The following TMPRSS3 variants were observed in gnomAD, a reference collection of about 807,000 sequenced individuals.
TMPRSS3 encodes transmembrane serine protease 3, also known as transmembrane protease serine 3.
A neutral mutation model predicts 59.6 loss-of-function variants in TMPRSS3; 55 were observed. The ratio of observed to expected loss-of-function variants is 0.92; its 90% confidence interval spans 0.74 to 1.16. The LOEUF is 1.16. Ranked by LOEUF, TMPRSS3 falls within the 50% of genes most tolerant of loss-of-function variation. TMPRSS3 has a pLI of 0.00. For synonymous variants in TMPRSS3, 257 were observed against 237.7 expected, an observed-to-expected ratio of 1.08 and a Z score of -0.75; for missense variants, 596 against 579.4, an observed-to-expected ratio of 1.03 and a Z score of -0.29.
intron 9 of TMPRSS3, 40 bp from the exon 10 acceptor site, chr21:42,380,252 C>G (rs528108557): frequency 6.5e-7 from 1 of 1,535,878 alleles, no homozygotes; most frequent in South Asian, 1.1e-5. Context: ...TCAATTGAAG[C>G]AGGAGTCCGA....
intron 2 of TMPRSS3, 176 bp from the exon 3 acceptor site, chr21:42,390,213 G>A: frequency 1.6e-6 from 1 of 644,880 alleles, no homozygotes; most frequent in Admixed American, 2.2e-5. Context: ...CTCTAGTTCA[G>A]TCCTACCTGC....
At chr21:42,389,234 T>A in intron 3 of TMPRSS3, 189 bp from the exon 4 acceptor site, 1 of 1,166,028 alleles carries the variant, frequency 8.6e-7, no homozygotes, top group Non-Finnish European at 1.2e-6. Flanking sequence ...GTGGGGCTGC[T>A]GTGCCCCACT....
chr21:42,387,882 A>G lies in TMPRSS3; in HGVS notation c.446+521T>C, dbSNP rs186724893. On this transcript the variant is annotated intron_variant, in intron 5 of 12. Coordinates refer to ENST00000644384, the MANE Select transcript of TMPRSS3 (RefSeq NM_001256317.3). The stretch of plus-strand genomic sequence containing the variant: ...TCATGTAGGCAACACAAACACTAAA[A>G]AGTGAATAGTCAACTGTTATAGTTC... 4.6e-5 allele frequency among the ~76,000 whole-genome samples: 7 copies of G among 152,352 alleles called. No individual in the cohort carries two copies. The East Asian group carries it at 1.3e-3, about 29-fold the overall frequency.
At position 42,372,155 on chromosome 21, in the gene TMPRSS3, C is replaced by A. The variant is rs1212865735; in HGVS notation, c.*607G>T. ...TGGCTTTGCACGTGAGGTCACATAACTGCTTATCTCGTCAGGAATTTTGCA... is the reference window on the plus strand; with the variant it reads ...TGGCTTTGCACGTGAGGTCACATAAATGCTTATCTCGTCAGGAATTTTGCA... On this transcript the variant is annotated 3_prime_UTR_variant, in exon 13 of 13. Coordinates refer to ENST00000644384, the MANE Select transcript of TMPRSS3 (RefSeq NM_001256317.3). 1 of 451,604 alleles carries A rather than the reference C, an allele frequency of 2.2e-6. No individual in the cohort carries two copies. Among genetic ancestry groups the A allele is most frequent in the South Asian group, 1.6e-5 (1 of 64,380 alleles). 28.0% of individuals were successfully genotyped at this position (451,604 alleles called of 1,614,324 possible).
chr21:42,372,161 A>G lies in TMPRSS3; in HGVS notation c.*601T>C. 2.2e-6 allele frequency: 1 copy of G among 447,932 alleles called. No homozygotes were observed. Among genetic ancestry groups the G allele is most frequent in the South Asian group, 1.6e-5 (1 of 64,266 alleles). 27.7% of individuals were successfully genotyped at this position (447,932 alleles called of 1,614,324 possible). A position where few individuals can be genotyped will look rare whatever the true frequency, so the allele number is the denominator to read the frequency against. ...TGCACGTGAGGTCACATAACTGCTT[A>G]TCTCGTCAGGAATTTTGCAAGACCC... is the stretch of plus-strand genomic sequence containing the variant. On this transcript the variant is annotated 3_prime_UTR_variant, in exon 13 of 13. Coordinates refer to ENST00000644384, the MANE Select transcript of TMPRSS3 (RefSeq NM_001256317.3).
chr21:42,380,031 T>A lies in TMPRSS3; in HGVS notation c.1048+86A>T, dbSNP rs566982179. On this transcript the variant is annotated intron_variant, in intron 10 of 12. Coordinates refer to ENST00000644384, the MANE Select transcript of TMPRSS3 (RefSeq NM_001256317.3). ...GGTATCTGGGCAGCCCATGGGAACA[T>A]CACAATGGGACATTGGGGGAGCCCC... 2.2e-4 allele frequency: 256 copies of A among 1,154,528 alleles called. No individual in the cohort carries two copies. In the African/African-American group the frequency reaches 2.3e-3, roughly 11 times the overall value. 71.5% of individuals were successfully genotyped at this position (1,154,528 alleles called of 1,614,324 possible).
In TMPRSS3 at chr21:42,372,784, AAATGAAAAC is replaced by A; in HGVS notation, c.1345-14_1345-6del. The A allele has an allele frequency of 6.2e-7, 1 of 1,614,024 alleles. No individual in the cohort carries two copies. Among genetic ancestry groups the A allele is most frequent in the Non-Finnish European group, 8.5e-7 (1 of 1,179,954 alleles). On this transcript the variant is annotated splice_region_variant and splice_polypyrimidine_tract_variant and intron_variant, in intron 12 of 12. Coordinates refer to ENST00000644384, the MANE Select transcript of TMPRSS3 (RefSeq NM_001256317.3). ...TCTTCAGGTTTTTAGGTCTCTCTAT[AAATGAAAAC>A]AAAGGCGTTATTGTTTTTAGCACTT...
rs187406481 is a variant in TMPRSS3 at position 42,385,530 on chromosome 21, C to T, written c.451G>A (p.Val151Met). 6.2e-7 allele frequency: 1 copy of T among 1,614,124 alleles called. No individual in the cohort carries two copies. The highest frequency in any genetic ancestry group is 1.1e-5 in the South Asian group (1 of 91,082). Reference protein sequence around the residue: ...ACAQLGFPSYVSSDNLRVSSL... With the variant: ...ACAQLGFPSYMSSDNLRVSSL... The stretch of plus-strand genomic sequence containing the variant: ...CTCACTCTGAGGTTATCTGAACTCA[C>T]ATAGCTGCAAGCACATTGGAAAGAC... The change falls in exon 6 of 13, where the codon GTG becomes ATG. Residue 151 changes from valine to methionine, a missense_variant. Coordinates refer to ENST00000644384, the MANE Select transcript of TMPRSS3 (RefSeq NM_001256317.3).
At chr21:42,383,870 G>A in intron 7 of TMPRSS3, 100 bp downstream of exon 7, 6 of 1,288,842 alleles carry the variant, frequency 4.7e-6, no homozygotes, top group East Asian at 2.4e-5. Flanking sequence ...CAGGAGGAAG[G>A]GATACAGAGC....
chr21:42,382,235 C>T lies in TMPRSS3; in HGVS notation c.783-1G>A, dbSNP rs1237955948. 1.2e-6 allele frequency: 2 copies of T among 1,614,040 alleles called. No individual in the cohort carries two copies. Among genetic ancestry groups the T allele is most frequent in the East Asian group, 2.2e-5 (1 of 44,890 alleles). Reference sequence around the variant, plus strand: ...GGTCCATGACTTGGGGAGGTACAAGCTGAAATGAGAAGAGCAAGAGGTGAA... The same window carrying T: ...GGTCCATGACTTGGGGAGGTACAAGTTGAAATGAGAAGAGCAAGAGGTGAA... On this transcript the variant is annotated splice_acceptor_variant, in intron 8 of 12. Coordinates refer to ENST00000644384, the MANE Select transcript of TMPRSS3 (RefSeq NM_001256317.3). LOFTEE classifies it high-confidence loss of function.
Position 42,389,962 on chromosome 21 carries a change from A to G in TMPRSS3, c.170T>C (p.Ile57Thr). 3.7e-6 allele frequency: 6 copies of G among 1,614,102 alleles called. No homozygotes were observed. Among genetic ancestry groups the G allele is most frequent in the Non-Finnish European group, 5.1e-6 (6 of 1,179,900 alleles). The change falls in exon 3 of 13, where the codon ATT becomes ACT. Residue 57 changes from isoleucine to threonine, a missense_variant. Transcript: ENST00000644384. ...KFFPIIVIGIIALILALAIGL... is the reference protein window; with the variant it reads ...KFFPIIVIGITALILALAIGL... ...AATGGCCAGTGCTAATATCAATGCA[A>G]TGATCCCAATGACGATGATTGGAAA...
chr21:42,388,955 T>A lies in TMPRSS3; in HGVS notation c.296A>T (p.Lys99Ile). ...ACAGCGGTACTCGTCCTCCCCGTCT[T>A]TGCAATCCGAGACTCCGTCACATCG... ...IARCDGVSDC[K>I]DGEDEYRCVR... The change falls in exon 4 of 13, where the codon AAA (lysine) becomes ATA (isoleucine). Residue 99 changes from lysine to isoleucine, a missense_variant. Physicochemically the swap from Lys to Ile is moderately radical, Grantham distance 102. Coordinates refer to ENST00000644384, the MANE Select transcript of TMPRSS3 (RefSeq NM_001256317.3). The surrounding 1 kb of genome is among the most constrained non-coding windows in gnomAD (Gnocchi z 5.1). 1.9e-6 allele frequency: 3 copies of A among 1,614,188 alleles called. No individual in the cohort carries two copies. Among genetic ancestry groups the A allele is most frequent in the African/African-American group, 1.3e-5 (1 of 75,052 alleles).
In TMPRSS3 at chr21:42,388,505, G is replaced by C. The variant is rs773186208; in HGVS notation, c.344C>G (p.Ala115Gly). 2.5e-6 allele frequency: 4 copies of C among 1,614,084 alleles called. No homozygotes were observed. The highest frequency in any genetic ancestry group is 3.4e-6 in the Non-Finnish European group (4 of 1,180,042). ...AGCAGCTGTGAACACCTGGAGCACG[G>C]CATTCTGACCACCCACCCGGACTGG... ...YRCVRVGGQN[A>G]VLQVFTAASW... Residue 115 changes from alanine to glycine, a missense_variant, in exon 5 of 13, where the codon GCC (alanine) becomes GGC (glycine). By Grantham distance (60) the Ala-to-Gly change is moderately conservative. Coordinates refer to ENST00000644384, the MANE Select transcript of TMPRSS3 (RefSeq NM_001256317.3). This position sits in a 1 kb window ranked among gnomAD's most constrained non-coding sequence, Gnocchi z 5.1.
rs2839506 is a variant in TMPRSS3 at position 42,395,056 on chromosome 21, A to G, written c.94+268T>C. On this transcript the variant is annotated intron_variant, in intron 2 of 12. Transcript: ENST00000644384. ...TCTGACCTCCTTCAGGATTGACAGG[A>G]CAATTGTGGAGCCCCAGTCTCTGAA... Among the ~76,000 whole-genome samples the G allele has an allele frequency of 0.16, 24,113 of 152,104 alleles. 2,838 individuals carry two copies. Among genetic ancestry groups the G allele is most frequent in the African/African-American group, 0.32 (13,335 of 41,430 alleles).
intron 6 of TMPRSS3, among the ~76,000 whole-genome samples, chr21:42,384,298 T>C (rs192703227): frequency 2.6e-5 from 4 of 152,264 alleles, no homozygotes; most frequent in East Asian, 3.9e-4. Context: ...TAAGGAGATA[T>C]ATTCTATCAA....
At chr21:42,377,854 CA>C (rs1386077492) in intron 10 of TMPRSS3, among the ~76,000 whole-genome samples, 1 of 152,244 alleles carries the variant, frequency 6.6e-6, no homozygotes, top group Non-Finnish European at 1.5e-5. Context: ...GCTGAAGCTA[CA>C]TCAGGACAGG....
chr21:42,379,994 C>T (rs2146430190), intron 10 of TMPRSS3, 123 bp downstream of exon 10: 3 of 800,776 alleles, frequency 3.7e-6, no homozygotes, highest in African/African-American at 1.7e-5. Flanking sequence ...CTGACATGCA[C>T]TCCCTGGCCG....
chr21:42,373,569 T>C (rs899780411), intron 12 of TMPRSS3, among the ~76,000 whole-genome samples: 2 of 152,176 alleles, frequency 1.3e-5, no homozygotes, highest in Non-Finnish European at 2.9e-5. Flanking sequence ...GACCTCCCAA[T>C]CAGACTCCAG....
At position 42,382,075 on chromosome 21, in the gene TMPRSS3, G is replaced by A; in HGVS notation, c.942C>T (p.Leu314=). 1 of 1,614,196 alleles carries A rather than the reference G, an allele frequency of 6.2e-7. No homozygotes were observed. The highest frequency in any genetic ancestry group is 8.5e-7 in the Non-Finnish European group (1 of 1,180,034). The stretch of plus-strand genomic sequence containing the variant: ...GAGACCCAGATGTACCATTGAACGT[G>A]AGTGGCCCGGCCAGCTTCATAAGGG... The part of the protein sequence containing the change: ...DIALMKLAGP[L]TFNEMIQPVC... The change falls in exon 9 of 13, where the codon CTC becomes CTT. Residue 314 remains leucine (L), a synonymous_variant. Transcript: ENST00000644384.
Sources: gnomAD v4.1 joint callset for allele counts (sites outside exome capture counted in the v4.1 genomes callset) on GRCh38, gnomAD v4.1.1 for gene constraint, Gnocchi (gnomAD v3.1) non-coding constraint, MANE v1.5 for transcripts, NCBI Gene and HGNC (gene_info 2026-07-23, HGNC 2026-07-21) for gene names.